Variants in ADGRL2 observed in about 807,000 individuals in gnomAD.
ADGRL2 encodes the protein calcium-independent alpha-latrotoxin receptor 2.
A neutral mutation model predicts 157.4 loss-of-function variants in ADGRL2; 44 were observed. The ratio of observed to expected loss-of-function variants is 0.28; its 90% confidence interval spans 0.22 to 0.36. The LOEUF (loss-of-function observed/expected upper bound fraction) is 0.36, where lower values mean the gene tolerates loss of function less well. ADGRL2 is among the 10% of genes least tolerant of loss of function. ADGRL2 has a pLI of 1.00. For missense variants in ADGRL2, 1,510 were observed against 1,768.9 expected (o/e 0.85, Z 2.63); for synonymous variants, 585 against 624.7 (o/e 0.94, Z 0.95).
chr1:81,417,661 C>T (rs1164532656), intron 1 of ADGRL2, among the ~76,000 whole-genome samples: 2 of 152,146 alleles, frequency 1.3e-5, no homozygotes, highest in African/African-American at 2.4e-5. Context: ...TTAGGGTCCA[C>T]CTTTCTTTCA....
At chr1:81,948,831 A>AG (rs899269712) in intron 6 of ADGRL2, among the ~76,000 whole-genome samples, 1 of 152,074 alleles carries the variant, frequency 6.6e-6, no homozygotes, top group East Asian at 1.9e-4. Context: ...CTTGAGGTAG[A>AG]GGGGGGGAAA....
intron 3 of ADGRL2, among the ~76,000 whole-genome samples, chr1:81,692,811 G>A (rs2083369785): frequency 6.6e-6 from 1 of 152,094 alleles, no homozygotes; most frequent in African/African-American, 2.4e-5. Flanking sequence ...TTTAAAATTT[G>A]GAGATTTCAC....
chr1:81,390,776 A>T (rs1322273576), intron 1 of ADGRL2, among the ~76,000 whole-genome samples: 1 of 152,308 alleles, frequency 6.6e-6, no homozygotes, highest in Non-Finnish European at 1.5e-5. Flanking sequence ...GGTACTGCAA[A>T]GTATTTCATT....
At chr1:81,691,643 C>T (rs940555755) in intron 3 of ADGRL2, among the ~76,000 whole-genome samples, 6 of 151,652 alleles carry the variant, frequency 4.0e-5, no homozygotes, top group South Asian at 2.1e-4. Context: ...GGATTACAGG[C>T]GTGTGCCACT....
chr1:81,615,027 GTAAAA>G (rs1319753191), intron 3 of ADGRL2, among the ~76,000 whole-genome samples: 3 of 151,994 alleles, frequency 2.0e-5, no homozygotes, highest in Admixed American at 1.3e-4. Context: ...ATAAAATAAA[GTAAAA>G]TAAAATAAAA....
chr1:81,465,169 T>C (rs529608832), intron 2 of ADGRL2, among the ~76,000 whole-genome samples: 1 of 152,100 alleles, frequency 6.6e-6, no homozygotes, highest in South Asian at 2.1e-4. Context: ...CAATTTGATT[T>C]CCTATAGTTA....
chr1:81,869,001 C>A (rs1384413043), intron 2 of ADGRL2, among the ~76,000 whole-genome samples: 1 of 152,026 alleles, frequency 6.6e-6, no homozygotes, highest in East Asian at 1.9e-4. Context: ...AATAAATGAT[C>A]AATATGTGGA....
At chr1:81,481,414 C>T (rs1375954642) in intron 2 of ADGRL2, among the ~76,000 whole-genome samples, 1 of 152,176 alleles carries the variant, frequency 6.6e-6, no homozygotes, top group African/African-American at 2.4e-5. Context: ...GGACTGTAGT[C>T]ATCCATCTGA....
At chr1:81,641,754 G>A (rs1319350235) in intron 3 of ADGRL2, among the ~76,000 whole-genome samples, 4 of 152,108 alleles carry the variant, frequency 2.6e-5, no homozygotes, top group Admixed American at 1.3e-4. Context: ...AATCACCTAA[G>A]CTTCTACCTT....
chr1:81,475,621 C>A (rs1226207343), intron 2 of ADGRL2, among the ~76,000 whole-genome samples: 7 of 152,088 alleles, frequency 4.6e-5, no homozygotes, highest in Admixed American at 4.6e-4. Flanking sequence ...TAAATGGGTT[C>A]ATCTTTCCTA....
intron 2 of ADGRL2, among the ~76,000 whole-genome samples, chr1:81,491,700 A>G (rs1254851445): frequency 1.3e-5 from 2 of 152,226 alleles, no homozygotes; most frequent in Non-Finnish European, 1.5e-5. Context: ...CTAAAAGAAA[A>G]CATTTTAACC....
chr1:81,430,844 C>T (rs2077306770), intron 1 of ADGRL2, among the ~76,000 whole-genome samples: 1 of 152,180 alleles, frequency 6.6e-6, no homozygotes, highest in Non-Finnish European at 1.5e-5. Flanking sequence ...CCATGGAAAA[C>T]TCCATCTTAA....
intron 2 of ADGRL2, among the ~76,000 whole-genome samples, chr1:81,538,736 G>A (rs2148306542): frequency 6.6e-6 from 1 of 152,244 alleles, no homozygotes; most frequent in Non-Finnish European, 1.5e-5. Context: ...TGGGCACAGT[G>A]GCTCACACCT....
At chr1:81,463,720 G>A (rs2077990384) in intron 2 of ADGRL2, among the ~76,000 whole-genome samples, 1 of 152,162 alleles carries the variant, frequency 6.6e-6, no homozygotes, top group Non-Finnish European at 1.5e-5. Context: ...ATAACCCCCT[G>A]AGCAATTGGC....
intron 3 of ADGRL2, among the ~76,000 whole-genome samples, chr1:81,918,425 CATAG>C (rs1369442873): frequency 6.6e-6 from 1 of 151,820 alleles, no homozygotes; most frequent in Admixed American, 6.6e-5. Context: ...ATTTGGTTTT[CATAG>C]ATAGCTAATC....
intron 2 of ADGRL2, among the ~76,000 whole-genome samples, chr1:81,885,655 A>G (rs1418886287): frequency 6.6e-6 from 1 of 152,218 alleles, no homozygotes; most frequent in African/African-American, 2.4e-5. Context: ...AGAATGCATG[A>G]TAAGGCTTGG....
chr1:81,633,595 C>T lies in ADGRL2; in HGVS notation c.-143+52615C>T, dbSNP rs189472123. The stretch of plus-strand genomic sequence containing the variant: ...TGGGTAACAGAGCAAGACTCTGTCT[C>T]AAAAAAAAAAAAAAAAAAAAAAAAA... On this transcript the variant is annotated intron_variant, in intron 3 of 24. Transcript: ENST00000370721. Among the ~76,000 whole-genome samples the T allele has an allele frequency of 5.5e-3, 277 of 50,274 alleles. 1 individual carries two copies. Among genetic ancestry groups the T allele is most frequent in the Non-Finnish European group, 7.0e-3 (197 of 27,950 alleles). The allele number at this position is 50,274 out of a possible 152,430, so 33.0% of individuals were successfully genotyped here. A position where few individuals can be genotyped will look rare whatever the true frequency, so the allele number is the denominator to read the frequency against.
chr1:81,326,660 C>G (rs950160471), intron 1 of ADGRL2, among the ~76,000 whole-genome samples: 1 of 152,114 alleles, frequency 6.6e-6, no homozygotes, highest in African/African-American at 2.4e-5. Context: ...ATATAAAGCA[C>G]ATTAATGAAG....
At chr1:81,753,414 C>T (rs1258591532) in intron 1 of ADGRL2, among the ~76,000 whole-genome samples, 1 of 152,162 alleles carries the variant, frequency 6.6e-6, no homozygotes, top group Non-Finnish European at 1.5e-5. Flanking sequence ...CACCGGGTCC[C>T]TCCCACAACA....
Sources: gnomAD v4.1 joint callset for allele counts (sites outside exome capture counted in the v4.1 genomes callset) on GRCh38, gnomAD v4.1.1 for gene constraint, MANE v1.5 for transcripts, NCBI Gene and HGNC (gene_info 2026-07-23, HGNC 2026-07-21) for gene names.